Variants in ZNF331 observed in about 807,000 individuals in gnomAD.
The protein encoded by ZNF331 is zinc finger protein 331, also known as C2H2-like zinc finger protein rearranged in thyroid adenomas.
ZNF331 carries 2 observed loss-of-function variants against 7.0 expected under a neutral mutation model. That is an observed-to-expected ratio of 0.29 (90% CI 0.12 to 0.90). ZNF331 has a LOEUF of 0.90. Ranked by LOEUF, ZNF331 falls within the 40% of genes least tolerant of loss-of-function variation. The pLI, the probability that ZNF331 is intolerant of heterozygous loss-of-function variation, is 0.58. For synonymous variants in ZNF331, 196 were observed against 205.4 expected, an observed-to-expected ratio of 0.95 and a Z score of 0.39; for missense variants, 432 against 587.7, an observed-to-expected ratio of 0.74 and a Z score of 2.74.
chr19:53,565,974 A>G (rs1348792856), intron 3 of ZNF331, among the ~76,000 whole-genome samples: 1 of 152,200 alleles, frequency 6.6e-6, no homozygotes, highest in East Asian at 1.9e-4. Context: ...TGAAATGAAG[A>G]CACTCAAGAT....
intron 3 of ZNF331, among the ~76,000 whole-genome samples, chr19:53,559,769 C>T (rs1363525306): frequency 1.6e-5 from 1 of 63,980 alleles, no homozygotes; most frequent in Non-Finnish European, 3.0e-5. Context: ...CACACATACC[C>T]ATATATACAT....
chr19:53,561,017 G>C (rs1432129784), intron 3 of ZNF331, among the ~76,000 whole-genome samples: 2 of 152,094 alleles, frequency 1.3e-5, no homozygotes, highest in Admixed American at 1.3e-4. Context: ...AGTTAGCCAG[G>C]CGTGGTAATG....
At chr19:53,538,920 A>C (rs1198557399) in intron 1 of ZNF331, 4 of 152,346 alleles carry the variant, frequency 2.6e-5, no homozygotes, top group Non-Finnish European at 4.4e-5. Context: ...TCGCCTGGAA[A>C]TTCACCAGCA....
the ZNF331 span, among the ~76,000 whole-genome samples, chr19:53,506,333 T>TC: frequency 0.37 from 21,004 of 56,792 alleles, 3,849 homozygotes; most frequent in Middle Eastern, 0.49. Flanking sequence ...AGACTCCGTC[T>TC]CAAAAAAAAA....
At chr19:53,529,242 A>G (rs1283268566) in intron 2 of ZNF331, among the ~76,000 whole-genome samples, 1 of 152,006 alleles carries the variant, frequency 6.6e-6, no homozygotes, top group African/African-American at 2.4e-5. Flanking sequence ...TCTACTAAAA[A>G]TACAAAAATT....
chr19:53,558,493 G>A lies in ZNF331; in HGVS notation c.-74+2585G>A, dbSNP rs180776737. ...AGGTGTGACTGAAGCATGCACGAATGTGTTGAAACGTGATTGGACAAATAA... is the reference window on the plus strand; with the variant it reads ...AGGTGTGACTGAAGCATGCACGAATATGTTGAAACGTGATTGGACAAATAA... On this transcript the variant is annotated intron_variant, in intron 3 of 5. Transcript: ENST00000449416. This position sits in a 1 kb window ranked among gnomAD's most constrained non-coding sequence, Gnocchi z 4.5. Among the ~76,000 whole-genome samples the A allele has an allele frequency of 6.1e-4, 93 of 152,214 alleles. No homozygotes were observed. Among genetic ancestry groups the A allele is most frequent in the African/African-American group, 2.1e-3 (87 of 41,500 alleles).
chr19:53,520,724 C>G (rs35495496), upstream of ZNF331, among the ~76,000 whole-genome samples: 58,129 of 151,800 alleles, frequency 0.38, 11,335 homozygotes, highest in South Asian at 0.48. Context: ...GTGCAGTTGC[C>G]TGCAGGGAAA....
At chr19:53,534,816 G>A (rs2087678409), upstream of ZNF331, among the ~76,000 whole-genome samples, 1 of 152,004 alleles carries the variant, frequency 6.6e-6, no homozygotes, top group Non-Finnish European at 1.5e-5. Context: ...ATCTTGCCTT[G>A]TAACATAACA....
chr19:53,519,277 T>G (rs781768751), upstream of ZNF331, among the ~76,000 whole-genome samples: 1 of 152,086 alleles, frequency 6.6e-6, no homozygotes, highest in African/African-American at 2.4e-5. Context: ...CAGCATATAT[T>G]TTTTAGGGCA....
At chr19:53,572,559 C>T (rs60486000) in intron 5 of ZNF331, among the ~76,000 whole-genome samples, 52,079 of 145,020 alleles carry the variant, frequency 0.36, 10,096 homozygotes, top group African/African-American at 0.47. Context: ...ATTATATATA[C>T]ACACACATAT....
In ZNF331 at chr19:53,577,641, G is replaced by A. The variant is rs765490388; in HGVS notation, c.1081G>A (p.Gly361Arg). Residue 361 changes from glycine (G) to arginine (R), a missense_variant, in exon 6 of 6, where the codon GGG becomes AGG. Physicochemically the swap from Gly to Arg is moderately radical, Grantham distance 125. This residue lies in a region of ZNF331 where 312 missense variants were observed against 448.6 expected (regional missense o/e 0.70). Coordinates refer to ENST00000449416, the MANE Select transcript of ZNF331 (RefSeq NM_001079906.2). ...GEKPYKCTEC[G>R]KAFNCGYHLT... ...GAAGCCGTACAAGTGCACAGAATGT[G>A]GGAAGGCCTTCAATTGTGGCTATCA... is the stretch of plus-strand genomic sequence containing the variant. The A allele has an allele frequency of 4.3e-6, 7 of 1,614,120 alleles. No homozygotes were observed. The South Asian group carries it at 7.7e-5, about 18-fold the overall frequency.
At chr19:53,561,522 AT>A (rs1211750457) in intron 3 of ZNF331, among the ~76,000 whole-genome samples, 1 of 152,100 alleles carries the variant, frequency 6.6e-6, no homozygotes, top group Non-Finnish European at 1.5e-5. Flanking sequence ...AATTTTGCTA[AT>A]TAATCATGTG....
intron 3 of ZNF331, among the ~76,000 whole-genome samples, 179 bp from the exon 4 acceptor site, chr19:53,569,125 G>A (rs1056392646): frequency 5.3e-5 from 8 of 151,990 alleles, no homozygotes; most frequent in African/African-American, 1.7e-4. Flanking sequence ...CAAAGTGCTG[G>A]GATTACAGGC....
upstream of ZNF331, among the ~76,000 whole-genome samples, chr19:53,517,731 T>C (rs963952987): frequency 6.6e-5 from 10 of 152,148 alleles, no homozygotes; most frequent in African/African-American, 2.4e-4. Context: ...AAGAAGCCAG[T>C]AGTGGCTCAG....
intron 3 of ZNF331, among the ~76,000 whole-genome samples, chr19:53,559,465 CCATA>C (rs2089685973): frequency 6.6e-6 from 1 of 150,606 alleles, no homozygotes; most frequent in Non-Finnish European, 1.5e-5. Flanking sequence ...TATATACACA[CCATA>C]CACACATGCA....
chr19:53,571,421 C>G lies in ZNF331; in HGVS notation c.10-183C>G, dbSNP rs571417028. Among the ~76,000 whole-genome samples the G allele has an allele frequency of 1.0e-3, 153 of 152,274 alleles. No individual in the cohort carries two copies. Among genetic ancestry groups the G allele is most frequent in the African/African-American group, 3.5e-3 (146 of 41,580 alleles). On this transcript the variant is annotated intron_variant, in intron 4 of 5. Coordinates refer to ENST00000449416, the MANE Select transcript of ZNF331 (RefSeq NM_001079906.2). The surrounding 1 kb of genome is among the most constrained non-coding windows in gnomAD (Gnocchi z 4.7). ...TTTTCTCTGCAGCGGTAGAGCTCTT[C>G]AGTGACATGCAGGCATTCTGCTTCC...
chr19:53,511,970 C>G, the ZNF331 span: 1 of 152,204 alleles, frequency 6.6e-6, no homozygotes, highest in African/African-American at 2.4e-5. Flanking sequence ...CAGGTTCTAG[C>G]ATGTATTAAC....
chr19:53,550,620 T>G (rs1405647386), intron 2 of ZNF331, among the ~76,000 whole-genome samples: 1 of 139,846 alleles, frequency 7.2e-6, no homozygotes, highest in Non-Finnish European at 1.5e-5. Flanking sequence ...CACTGCAACT[T>G]CCGCCTCCCA....
chr19:53,562,114 T>G (rs2089921579), intron 3 of ZNF331, among the ~76,000 whole-genome samples: 1 of 151,746 alleles, frequency 6.6e-6, no homozygotes, highest in African/African-American at 2.4e-5. Flanking sequence ...TGCCACAGCA[T>G]TCCAGCCTGG....
Sources: allele counts gnomAD v4.1 joint callset (sites outside exome capture counted in the v4.1 genomes callset), GRCh38; gene constraint gnomAD v4.1.1; regional missense constraint gnomAD v4.1.1; non-coding constraint Gnocchi (gnomAD v3.1); transcripts MANE v1.5; gene names NCBI Gene and HGNC (gene_info 2026-07-23, HGNC 2026-07-21).